Variants in UBA6 observed in about 807,000 individuals in gnomAD.
The protein encoded by UBA6 is ubiquitin like modifier activating enzyme 6.
A neutral mutation model predicts 148.3 loss-of-function variants in UBA6; 87 were observed. The observed-to-expected ratio is 0.59, with a 90% confidence interval of 0.49 to 0.70. The LOEUF (loss-of-function observed/expected upper bound fraction) is 0.70, where lower values mean the gene tolerates loss of function less well. UBA6 is among the 30% of genes least tolerant of loss of function. The probability of loss-of-function intolerance (pLI) is 0.00; values close to 1 mark genes in which losing one functional copy is unlikely to be tolerated. For synonymous variants in UBA6, 376 were observed against 401.0 expected (o/e 0.94, Z 0.75); for missense variants, 1,186 against 1,241.2 (o/e 0.96, Z 0.67).
intron 12 of UBA6, 196 bp from the exon 13 acceptor site, chr4:67,662,451 A>G (rs1729884373): frequency 8.7e-6 from 4 of 461,714 alleles, no homozygotes; most frequent in Non-Finnish European, 1.5e-5. Context: ...ATATCAGTAT[A>G]TAAATAAGTT....
intron 2 of UBA6, 114 bp from the exon 3 acceptor site, chr4:67,682,327 A>G (rs1322220659): frequency 2.8e-6 from 2 of 718,202 alleles, no homozygotes; most frequent in Non-Finnish European, 4.8e-6. Flanking sequence ...CAGACTTGTT[A>G]TGAATGATTT....
At chr4:67,673,815 A>T (rs553394948) in intron 6 of UBA6, 38 bp from the exon 7 acceptor site, 1 of 1,449,344 alleles carries the variant, frequency 6.9e-7, no homozygotes, top group East Asian at 2.3e-5. Context: ...TAGAAAATAC[A>T]TAATTATTTT....
chr4:67,633,024 C>A (rs1251566747), intron 23 of UBA6, among the ~76,000 whole-genome samples: 2 of 152,024 alleles, frequency 1.3e-5, no homozygotes, highest in Non-Finnish European at 2.9e-5. Flanking sequence ...TTTACCACTA[C>A]CTTATGTATT....
Position 67,673,729 on chromosome 4 carries a change from C to T in UBA6, c.514G>A (p.Asp172Asn), listed in dbSNP as rs1406300422. Residue 172 changes from aspartate to asparagine, a missense_variant, in exon 7 of 33, where the codon GAC becomes AAC. Coordinates refer to ENST00000322244, the MANE Select transcript of UBA6 (RefSeq NM_018227.6). ...GGAGGGCACTGAGAACGGCAAAAGT[C>T]ATTGATCTTCTTCTGCAATGGAAGT... ...MKLPLQKKINDFCRSQCPPIK... is the reference protein window; with the variant it reads ...MKLPLQKKINNFCRSQCPPIK... 6.2e-7 allele frequency: 1 copy of T among 1,611,890 alleles called. No homozygotes were observed. The highest frequency in any genetic ancestry group is 1.1e-5 in the South Asian group (1 of 90,866).
At chr4:67,692,510 G>C (rs947092822) in intron 2 of UBA6, among the ~76,000 whole-genome samples, 1 of 152,046 alleles carries the variant, frequency 6.6e-6, no homozygotes, top group Non-Finnish European at 1.5e-5. Flanking sequence ...AAACACCAGC[G>C]GCCAGTCCTC....
chr4:67,700,937 C>T, intron 1 of UBA6, 112 bp downstream of exon 1: 4 of 1,362,588 alleles, frequency 2.9e-6, no homozygotes, highest in South Asian at 1.2e-5. Context: ...GCCGGCTCTG[C>T]TCGGCCCCGC....
intron 17 of UBA6, 98 bp downstream of exon 17, chr4:67,644,600 T>C (rs1051374965): frequency 1.5e-4 from 102 of 682,418 alleles, no homozygotes; most frequent in Non-Finnish European, 2.4e-4. Flanking sequence ...TGCTCTATTT[T>C]CAAAAAACTG....
At chr4:67,624,103 G>A (rs200135961) in intron 30 of UBA6, 23 bp downstream of exon 30, 1,113 of 1,524,862 alleles carry the variant, frequency 7.3e-4, no homozygotes, top group Non-Finnish European at 9.0e-4. Context: ...CATTATACAA[G>A]AGAAATAGAC....
intron 4 of UBA6, among the ~76,000 whole-genome samples, chr4:67,679,832 T>C (rs187846716): frequency 6.3e-4 from 96 of 152,260 alleles, no homozygotes; most frequent in Middle Eastern, 3.4e-3. Flanking sequence ...ACGAACGTTC[T>C]AGCTCTGCCC....
chr4:67,663,731 C>A, intron 11 of UBA6, 154 bp downstream of exon 11: 1 of 524,994 alleles, frequency 1.9e-6, no homozygotes, highest in South Asian at 3.4e-5. Flanking sequence ...CAGAAGTCAA[C>A]TTTAGATATG....
At position 67,663,189 on chromosome 4, in the gene UBA6, C is replaced by A; in HGVS notation, c.987G>T (p.Met329Ile). 6.2e-7 allele frequency: 1 copy of A among 1,611,654 alleles called. No individual in the cohort carries two copies. Among genetic ancestry groups the A allele is most frequent in the Non-Finnish European group, 8.5e-7 (1 of 1,179,094 alleles). ...TCTCCTGAAACTGGTCCAAGGCAAG[C>A]ATAGCTGTGTGAATCTCTAAAGGTG... ...PEAPLEIHTA[M>I]LALDQFQEKY... Residue 329 changes from methionine to isoleucine, a missense_variant, in exon 12 of 33, where the codon ATG becomes ATT. Transcript: ENST00000322244.
chr4:67,631,457 T>C (rs1728995585), intron 25 of UBA6, among the ~76,000 whole-genome samples: 1 of 152,220 alleles, frequency 6.6e-6, no homozygotes, highest in South Asian at 2.1e-4. Context: ...AAAGGTGATT[T>C]TGGTTTCACC....
chr4:67,676,526 AG>A (rs1369902471), intron 6 of UBA6, among the ~76,000 whole-genome samples: 1 of 152,212 alleles, frequency 6.6e-6, no homozygotes, highest in Non-Finnish European at 1.5e-5. Flanking sequence ...CCTTTCACTG[AG>A]GGCATAGCTC....
chr4:67,638,913 T>C, intron 19 of UBA6, 30 bp downstream of exon 19: 3 of 1,531,906 alleles, frequency 2.0e-6, no homozygotes, highest in Non-Finnish European at 2.7e-6. Context: ...TAAAGACAAT[T>C]CTGTAGGAAC....
intron 4 of UBA6, among the ~76,000 whole-genome samples, chr4:67,678,754 A>C (rs191585581): frequency 3.3e-5 from 5 of 152,344 alleles, no homozygotes; most frequent in African/African-American, 4.8e-5. Context: ...GTTTGACAAC[A>C]TAGTCTATTG....
chr4:67,661,821 T>C (rs1729865265), intron 13 of UBA6: 1 of 275,952 alleles, frequency 3.6e-6, no homozygotes, highest in Admixed American at 5.1e-5. Context: ...GTATAATATA[T>C]AAAACAGGTG....
chr4:67,646,090 T>G, intron 15 of UBA6, 74 bp from the exon 16 acceptor site: 1 of 775,852 alleles, frequency 1.3e-6, no homozygotes, highest in Non-Finnish European at 2.0e-6. Flanking sequence ...TTAATACCAA[T>G]TTAATGTTGT....
Position 67,678,544 on chromosome 4 carries a change from G to A in UBA6, c.259-11C>T. Reference sequence around the variant, plus strand: ...ATGAATTGTAACTGCCTTCAAAAAAGAAAAAAGTATTGGTTGAAGTCAGGA... The same window carrying A: ...ATGAATTGTAACTGCCTTCAAAAAAAAAAAAAGTATTGGTTGAAGTCAGGA... On this transcript the variant is annotated splice_polypyrimidine_tract_variant and intron_variant, in intron 4 of 32. Transcript: ENST00000322244. 3 of 1,553,264 alleles carry A rather than the reference G, an allele frequency of 1.9e-6. No homozygotes were observed. Among genetic ancestry groups the A allele is most frequent in the Non-Finnish European group, 2.6e-6 (3 of 1,136,736 alleles).
Position 67,649,206 on chromosome 4 carries a change from A to C in UBA6, c.1110T>G (p.Asp370Glu), listed in dbSNP as rs1427791656. The C allele has an allele frequency of 6.2e-7, 1 of 1,608,014 alleles. No homozygotes were observed. The highest frequency in any genetic ancestry group is 8.5e-7 in the Non-Finnish European group (1 of 1,177,634). Residue 370 changes from aspartate to glutamate, a missense_variant, in exon 14 of 33, where the codon GAT (aspartate) becomes GAG (glutamate). Asp to Glu is a conservative substitution (Grantham distance 45). Coordinates refer to ENST00000322244, the MANE Select transcript of UBA6 (RefSeq NM_018227.6). The part of the protein sequence containing the change: ...SISETLEEKP[D>E]VNADIVHWLS... The stretch of plus-strand genomic sequence containing the variant: ...GCCAATGCACAATGTCAGCATTTAC[A>C]TCAGGCTAAAACAAAAGCCATAAAA...
Sources: gnomAD v4.1 joint callset for allele counts (sites outside exome capture counted in the v4.1 genomes callset) on GRCh38, gnomAD v4.1.1 for gene constraint, MANE v1.5 for transcripts, NCBI Gene and HGNC (gene_info 2026-07-23, HGNC 2026-07-21) for gene names.